Variants in XYLB observed in about 807,000 individuals in gnomAD.
XYLB encodes the protein xylulokinase.
A neutral mutation model predicts 78.7 loss-of-function variants in XYLB; 62 were observed. The ratio of observed to expected loss-of-function variants is 0.79; its 90% CI spans 0.64 to 0.97. The LOEUF (loss-of-function observed/expected upper bound fraction) is 0.97. XYLB is among the 50% of genes least tolerant of loss of function. The pLI, the probability that XYLB is intolerant of heterozygous loss-of-function variation, is 0.00. For synonymous variants in XYLB, 245 were observed against 247.4 expected (o/e 0.99, Z 0.09); for missense variants, 687 against 676.8 (o/e 1.02, Z -0.17).
chr3:38,424,748 T>C (rs1006992101), downstream of XYLB, among the ~76,000 whole-genome samples: 1 of 152,240 alleles, frequency 6.6e-6, no homozygotes, highest in Non-Finnish European at 1.5e-5. Context: ...TTGAAAATGT[T>C]CAGTTACAAT....
intron 18 of XYLB, among the ~76,000 whole-genome samples, chr3:38,409,422 C>A (rs1371826364): frequency 6.6e-6 from 1 of 152,138 alleles, no homozygotes; most frequent in African/African-American, 2.4e-5. Flanking sequence ...AAACCCACAG[C>A]CAATATCATA....
At chr3:38,352,035 C>G (rs1452527222) in intron 2 of XYLB, among the ~76,000 whole-genome samples, 1 of 152,070 alleles carries the variant, frequency 6.6e-6, no homozygotes, top group African/African-American at 2.4e-5. Flanking sequence ...AAATGACATA[C>G]CAGGAGTACA....
chr3:38,368,169 T>G lies in XYLB; in HGVS notation c.574-16T>G. 1 of 1,613,556 alleles carries G rather than the reference T, an allele frequency of 6.2e-7. No homozygotes were observed. The highest frequency in any genetic ancestry group is 8.5e-7 in the Non-Finnish European group (1 of 1,179,468). ...TGTGGAAGTGAGGCACCTCTCACTG[T>G]TTCTTTCCTTTACAGAGAATTTCTT... On this transcript the variant is annotated splice_polypyrimidine_tract_variant and intron_variant, in intron 7 of 18. Transcript: ENST00000207870.
the XYLB span, among the ~76,000 whole-genome samples, chr3:38,431,161 C>T: frequency 6.6e-6 from 1 of 151,970 alleles, no homozygotes; most frequent in East Asian, 1.9e-4. Context: ...GGCCATTTTC[C>T]AGTATTGATT....
intron 18 of XYLB, among the ~76,000 whole-genome samples, chr3:38,408,038 T>G (rs1332124247): frequency 6.6e-6 from 1 of 151,990 alleles, no homozygotes; most frequent in Non-Finnish European, 1.5e-5. Flanking sequence ...GCGGACCTAA[T>G]AGACATCTAC....
chr3:38,410,411 G>A (rs1224633996), intron 18 of XYLB, among the ~76,000 whole-genome samples: 1 of 152,120 alleles, frequency 6.6e-6, no homozygotes, highest in Non-Finnish European at 1.5e-5. Flanking sequence ...TTAAATGTTA[G>A]ACCTAAAACC....
At chr3:38,353,901 A>AAAAT (rs1365753740) in intron 2 of XYLB, among the ~76,000 whole-genome samples, 1 of 150,508 alleles carries the variant, frequency 6.6e-6, no homozygotes, top group Non-Finnish European at 1.5e-5. Flanking sequence ...AAAAAAAAAA[A>AAAAT]AGAAGTCCAT....
At chr3:38,451,595 A>AG in the XYLB span, 1 of 152,398 alleles carries the variant, frequency 6.6e-6, no homozygotes. Context: ...CACTCCAGTG[A>AG]GGGCAATAAG....
chr3:38,444,682 C>T, the XYLB span, among the ~76,000 whole-genome samples: 47 of 151,844 alleles, frequency 3.1e-4, no homozygotes, highest in African/African-American at 4.6e-4. Flanking sequence ...TCAGGGTTTG[C>T]GGGTCAAATT....
downstream of XYLB, among the ~76,000 whole-genome samples, chr3:38,423,388 G>T (rs1274149046): frequency 6.6e-6 from 1 of 152,062 alleles, no homozygotes; most frequent in East Asian, 1.9e-4. Flanking sequence ...TCTTTGTTAA[G>T]AAAAAATGTG....
At chr3:38,420,922 G>A (rs1708956580), downstream of XYLB, among the ~76,000 whole-genome samples, 1 of 152,172 alleles carries the variant, frequency 6.6e-6, no homozygotes, top group South Asian at 2.1e-4. Context: ...CCCGCCCGGA[G>A]CAAAAAACTG....
At chr3:38,429,988 C>G in the XYLB span, among the ~76,000 whole-genome samples, 2 of 152,160 alleles carry the variant, frequency 1.3e-5, no homozygotes, top group Non-Finnish European at 2.9e-5. Context: ...CAAGTCTTTG[C>G]TATTGTGAAT....
At chr3:38,390,415 T>C (rs1022130327) in intron 15 of XYLB, among the ~76,000 whole-genome samples, 4 of 152,136 alleles carry the variant, frequency 2.6e-5, no homozygotes, top group African/African-American at 9.7e-5. Context: ...GGTTTCACCA[T>C]ATTGGCCAGG....
At chr3:38,435,863 T>A in the XYLB span, among the ~76,000 whole-genome samples, 1 of 151,930 alleles carries the variant, frequency 6.6e-6, no homozygotes, top group Non-Finnish European at 1.5e-5. Flanking sequence ...AATGAAGAAA[T>A]TGAGATGGAA....
chr3:38,421,910 T>C (rs1386713479), downstream of XYLB, among the ~76,000 whole-genome samples: 1 of 152,126 alleles, frequency 6.6e-6, no homozygotes, highest in Non-Finnish European at 1.5e-5. Flanking sequence ...GAGCAGTGCC[T>C]CGAGCAACCG....
At chr3:38,438,771 T>C in the XYLB span, among the ~76,000 whole-genome samples, 1 of 152,150 alleles carries the variant, frequency 6.6e-6, no homozygotes, top group African/African-American at 2.4e-5. Context: ...CAGCTTTTAT[T>C]CCCTTATTTG....
intron 15 of XYLB, among the ~76,000 whole-genome samples, chr3:38,386,104 C>T (rs1441127123): frequency 6.6e-6 from 1 of 152,146 alleles, no homozygotes; most frequent in Non-Finnish European, 1.5e-5. Flanking sequence ...GGCTTTCTTC[C>T]TTCCCATATT....
At chr3:38,410,790 TCACTGGCCA>T (rs1708547742) in intron 18 of XYLB, among the ~76,000 whole-genome samples, 1 of 151,850 alleles carries the variant, frequency 6.6e-6, no homozygotes, top group African/African-American at 2.4e-5. Context: ...ATGCTCACCA[TCACTGGCCA>T]TCAGAGAAAT....
downstream of XYLB, among the ~76,000 whole-genome samples, chr3:38,423,471 G>C (rs1193195696): frequency 6.6e-6 from 1 of 152,186 alleles, no homozygotes; most frequent in Admixed American, 6.5e-5. Flanking sequence ...TTGCAGCCTG[G>C]ACTGCCTTCT....
Sources: allele counts gnomAD v4.1 joint callset (sites outside exome capture counted in the v4.1 genomes callset), GRCh38; gene constraint gnomAD v4.1.1; transcripts MANE v1.5; gene names NCBI Gene and HGNC (gene_info 2026-07-23, HGNC 2026-07-21).